Variants in BTBD8 observed in about 807,000 individuals in gnomAD.
BTBD8 encodes BTB/POZ domain-containing protein 8.
In BTBD8, 110 loss-of-function variants were observed where a neutral mutation model predicts 162.9. The ratio of observed to expected loss-of-function variants is 0.68; its 90% CI spans 0.58 to 0.79. BTBD8 has a LOEUF of 0.79. Among genes scored for constraint, BTBD8 ranks in the 30% least tolerant of loss-of-function variants. The pLI, the probability that BTBD8 is intolerant of heterozygous loss-of-function variation, is 0.00. For synonymous variants in BTBD8, 667 were observed against 716.1 expected, an observed-to-expected ratio of 0.93 and a Z score of 1.10; for missense variants, 1,905 against 2,085.4, an observed-to-expected ratio of 0.91 and a Z score of 1.68.
rs771021987 is a variant in BTBD8 at position 92,139,445 on chromosome 1, T to G, written c.833+15T>G. 6.3e-7 allele frequency: 1 copy of G among 1,595,130 alleles called. No individual in the cohort carries two copies. Among genetic ancestry groups the G allele is most frequent in the African/African-American group, 1.4e-5 (1 of 73,824 alleles). On this transcript the variant is annotated intron_variant, in intron 6 of 17. Transcript: ENST00000636805. ...ACTAATGTTGGGTATGTATTCCTTT[T>G]TAATAATTTAAAATATAAAAGAGTT...
At chr1:92,169,539 T>C (rs1338926163) in intron 12 of BTBD8, among the ~76,000 whole-genome samples, 1 of 152,066 alleles carries the variant, frequency 6.6e-6, no homozygotes, top group East Asian at 1.9e-4. Flanking sequence ...ACATTAGCAT[T>C]AAACAAAAGA....
intron 1 of BTBD8, among the ~76,000 whole-genome samples, chr1:92,088,042 A>T (rs1417124989): frequency 6.6e-6 from 1 of 152,236 alleles, no homozygotes; most frequent in Non-Finnish European, 1.5e-5. Context: ...ATATCTGTAC[A>T]TTAGCAAAGG....
chr1:92,134,804 C>T (rs530670190), intron 5 of BTBD8, among the ~76,000 whole-genome samples: 3 of 152,012 alleles, frequency 2.0e-5, no homozygotes, highest in Non-Finnish European at 1.5e-5. Context: ...GTCCCCTTAG[C>T]CCACACACAG....
intron 3 of BTBD8, among the ~76,000 whole-genome samples, chr1:92,105,656 T>A (rs186305024): frequency 2.6e-5 from 4 of 152,258 alleles, no homozygotes; most frequent in African/African-American, 9.6e-5. Flanking sequence ...CAAAGTTTGT[T>A]GACAGGCAAG....
In BTBD8 at chr1:92,139,405, G is replaced by C; in HGVS notation, c.808G>C (p.Asp270His). Residue 270 changes from aspartate (D) to histidine (H), a missense_variant, in exon 6 of 18, where the codon GAC becomes CAC. Physicochemically the swap from Asp to His is moderately conservative, Grantham distance 81 (BLOSUM62 -1). This residue lies in a region of BTBD8 where 1,374 missense variants were observed against 1,442.7 expected (regional missense o/e 0.95). Coordinates refer to ENST00000636805, the MANE Select transcript of BTBD8 (RefSeq NM_001376131.1). ...MMHFIYGGTL[D>H]IPDKTNVGQI... ...GCATTTTATATATGGAGGAACTCTG[G>C]ACATTCCAGACAAAACTAATGTTGG... is the stretch of plus-strand genomic sequence containing the variant. 6.2e-7 allele frequency: 1 copy of C among 1,601,954 alleles called. No individual in the cohort carries two copies. Among genetic ancestry groups the C allele is most frequent in the Non-Finnish European group, 8.5e-7 (1 of 1,176,688 alleles).
rs1373978809 is a variant in BTBD8 at position 92,177,674 on chromosome 1, C to G, written c.2353+128C>G. ...CCAACAGAATACTTATGTATATGTACTTATGCAAACAGAGAAAATGGTAGT... is the reference window on the plus strand; with the variant it reads ...CCAACAGAATACTTATGTATATGTAGTTATGCAAACAGAGAAAATGGTAGT... On this transcript the variant is annotated intron_variant, in intron 14 of 17. Coordinates refer to ENST00000636805, the MANE Select transcript of BTBD8 (RefSeq NM_001376131.1). 3 of 819,470 alleles carry G rather than the reference C, an allele frequency of 3.7e-6. No homozygotes were observed. The African/African-American group carries it at 5.2e-5, about 14-fold the overall frequency. The allele number at this position is 819,470 out of a possible 1,614,324, so 50.8% of individuals were successfully genotyped here. A position where few individuals can be genotyped will look rare whatever the true frequency, so the allele number is the denominator to read the frequency against.
At chr1:92,183,360 G>A (rs1202074063) in intron 17 of BTBD8, among the ~76,000 whole-genome samples, 1 of 152,072 alleles carries the variant, frequency 6.6e-6, no homozygotes, top group Non-Finnish European at 1.5e-5. Context: ...CAGCAAAATC[G>A]GAAGAATAAG....
Position 92,147,787 on chromosome 1 carries a change from G to A in BTBD8, c.1122+1G>A, listed in dbSNP as rs1649959822. 4 of 1,606,830 alleles carry A rather than the reference G, an allele frequency of 2.5e-6. No homozygotes were observed. The highest frequency in any genetic ancestry group is 2.6e-6 in the Non-Finnish European group (3 of 1,174,872). Reference sequence around the variant, plus strand: ...TCTTAATATGTTGATTCAGTCCTTAGTAAGTATAACCTGAATACTCTTTTG... The same window carrying A: ...TCTTAATATGTTGATTCAGTCCTTAATAAGTATAACCTGAATACTCTTTTG... On this transcript the variant is annotated splice_donor_variant, in intron 9 of 17. Coordinates refer to ENST00000636805, the MANE Select transcript of BTBD8 (RefSeq NM_001376131.1). LOFTEE classifies it high-confidence loss of function.
chr1:92,118,953 A>T (rs1249406784), intron 4 of BTBD8, among the ~76,000 whole-genome samples: 1 of 151,368 alleles, frequency 6.6e-6, no homozygotes, highest in Non-Finnish European at 1.5e-5. Context: ...ACTGAAAGAT[A>T]TATCTGGTAT....
chr1:92,172,204 T>C (rs1650566477), intron 13 of BTBD8, among the ~76,000 whole-genome samples: 1 of 152,232 alleles, frequency 6.6e-6, no homozygotes, highest in Non-Finnish European at 1.5e-5. Context: ...GGTATACTTT[T>C]ATGAGGTATC....
intron 1 of BTBD8, among the ~76,000 whole-genome samples, chr1:92,086,034 A>T (rs1368199923): frequency 6.6e-6 from 1 of 152,156 alleles, no homozygotes; most frequent in African/African-American, 2.4e-5. Flanking sequence ...CAAGCGCATG[A>T]TCTACAGCTG....
intron 3 of BTBD8, among the ~76,000 whole-genome samples, chr1:92,106,660 CAAAA>C (rs60676530): frequency 3.0e-4 from 3 of 9,948 alleles, no homozygotes; most frequent in Admixed American, 1.9e-3. Flanking sequence ...GACTCTGTCT[CAAAA>C]AAAAAAAAAA....
chr1:92,101,971 T>G (rs1648601950), intron 2 of BTBD8, among the ~76,000 whole-genome samples: 1 of 152,202 alleles, frequency 6.6e-6, no homozygotes, highest in African/African-American at 2.4e-5. Flanking sequence ...ATGTTAGGAT[T>G]ACAGGCGTGA....
At chr1:92,178,584 A>G (rs758593730) in intron 16 of BTBD8, 133 bp downstream of exon 16, 2 of 710,312 alleles carry the variant, frequency 2.8e-6, no homozygotes, top group Non-Finnish European at 2.3e-6. Context: ...GTTTCACACC[A>G]TAGAGATGAG....
At chr1:92,163,461 A>G (rs1338050184) in intron 9 of BTBD8, among the ~76,000 whole-genome samples, 2 of 149,690 alleles carry the variant, frequency 1.3e-5, no homozygotes, top group African/African-American at 4.9e-5. Context: ...TTTTGTTTGT[A>G]TATGCATAAA....
chr1:92,177,105 A>G lies in BTBD8; in HGVS notation c.1912A>G (p.Thr638Ala). The G allele has an allele frequency of 6.4e-7, 1 of 1,551,738 alleles. No homozygotes were observed. Among genetic ancestry groups the G allele is most frequent in the East Asian group, 2.4e-5 (1 of 40,934 alleles). The change falls in exon 14 of 18, where the codon ACA (threonine) becomes GCA (alanine). Residue 638 changes from threonine to alanine, a missense_variant. Transcript: ENST00000636805. ...KNVSGKPKTVTKSKTENGDKA... is the reference protein window; with the variant it reads ...KNVSGKPKTVAKSKTENGDKA... Reference sequence around the variant, plus strand: ...TGTTTCTGGAAAGCCCAAAACTGTAACAAAATCCAAAACAGAAAATGGTGA... The same window carrying G: ...TGTTTCTGGAAAGCCCAAAACTGTAGCAAAATCCAAAACAGAAAATGGTGA...
chr1:92,137,805 AATTT>A (rs1161411342), intron 5 of BTBD8, among the ~76,000 whole-genome samples: 3 of 152,148 alleles, frequency 2.0e-5, no homozygotes, highest in Admixed American at 6.5e-5. Context: ...CTAAACACAA[AATTT>A]ATTTATGTTT....
intron 4 of BTBD8, among the ~76,000 whole-genome samples, chr1:92,112,256 T>C (rs1208430261): frequency 2.0e-5 from 3 of 152,100 alleles, no homozygotes; most frequent in East Asian, 1.9e-4. Context: ...CAAAAAAATT[T>C]AGCTGGGCAT....
At chr1:92,095,470 A>G (rs1330727410) in intron 2 of BTBD8, among the ~76,000 whole-genome samples, 4 of 152,192 alleles carry the variant, frequency 2.6e-5, no homozygotes, top group African/African-American at 4.8e-5. Context: ...TTTCAGTGGC[A>G]GTTGTCTCCT....
Sources: allele counts gnomAD v4.1 joint callset (sites outside exome capture counted in the v4.1 genomes callset), GRCh38; gene constraint gnomAD v4.1.1; regional missense constraint gnomAD v4.1.1; transcripts MANE v1.5; gene names NCBI Gene and HGNC (gene_info 2026-07-23, HGNC 2026-07-21).